The following DCP1B variants were observed in gnomAD, a reference collection of about 807,000 sequenced individuals.
DCP1B encodes the protein decapping mRNA 1B.
DCP1B carries 47 observed loss-of-function variants against 60.5 expected under a neutral mutation model. That is an observed-to-expected ratio of 0.78 (90% confidence interval 0.61 to 0.99). DCP1B has a LOEUF of 0.99. Among genes scored for constraint, DCP1B ranks in the 50% least tolerant of loss-of-function variants. The pLI, the probability that DCP1B is intolerant of heterozygous loss-of-function variation, is 0.00. For missense variants in DCP1B, 725 were observed against 756.8 expected, an observed-to-expected ratio of 0.96 and a Z score of 0.49; for synonymous variants, 267 against 280.3, an observed-to-expected ratio of 0.95 and a Z score of 0.47.
At chr12:1,963,708 T>C (rs1472715890) in intron 5 of DCP1B, among the ~76,000 whole-genome samples, 1 of 152,206 alleles carries the variant, frequency 6.6e-6, no homozygotes, top group Admixed American at 6.5e-5. Flanking sequence ...ATTCCAGACC[T>C]GGAATCAGAA....
At chr12:2,001,632 C>G (rs559897653) in intron 1 of DCP1B, among the ~76,000 whole-genome samples, 1 of 152,186 alleles carries the variant, frequency 6.6e-6, no homozygotes, top group African/African-American at 2.4e-5. Flanking sequence ...GCATGTAGCA[C>G]GTGAGTCACC....
In DCP1B at chr12:1,986,109, A is replaced by G. The variant is rs547211922; in HGVS notation, c.319+7155T>C. Among the ~76,000 whole-genome samples the G allele has an allele frequency of 6.0e-4, 91 of 152,340 alleles. 1 individual carries two copies. The highest frequency in any genetic ancestry group is 3.4e-3 in the Middle Eastern group (1 of 294). ...ATTACAGGCGTGAGCCACTGCGCCCAGCCGTCAGTTCTATTTTCAAAGGTG... is the reference window on the plus strand; with the variant it reads ...ATTACAGGCGTGAGCCACTGCGCCCGGCCGTCAGTTCTATTTTCAAAGGTG... On this transcript the variant is annotated intron_variant, in intron 3 of 8. Coordinates refer to ENST00000280665, the MANE Select transcript of DCP1B (RefSeq NM_152640.5).
intron 5 of DCP1B, among the ~76,000 whole-genome samples, chr12:1,959,430 C>T (rs550939407): frequency 1.3e-5 from 2 of 152,226 alleles, no homozygotes; most frequent in Admixed American, 1.3e-4. Flanking sequence ...AGACAAAGGG[C>T]CTGAGTGGAC....
intron 8 of DCP1B, among the ~76,000 whole-genome samples, chr12:1,946,971 A>T (rs542371630): frequency 6.6e-6 from 1 of 152,320 alleles, no homozygotes; most frequent in South Asian, 2.1e-4. Flanking sequence ...GTTGGATTAC[A>T]GGCATGAGCC....
At chr12:1,954,340 A>G (rs2030801372) in intron 6 of DCP1B, among the ~76,000 whole-genome samples, 2 of 152,190 alleles carry the variant, frequency 1.3e-5, no homozygotes, top group African/African-American at 4.8e-5. Context: ...TAAAAATTCA[A>G]TATAAGATTT....
chr12:1,984,052 T>G (rs2036931779), intron 3 of DCP1B, among the ~76,000 whole-genome samples: 1 of 152,044 alleles, frequency 6.6e-6, no homozygotes. Flanking sequence ...GACACCCCAG[T>G]TTTCTTTTCA....
Position 1,955,297 on chromosome 12 carries a change from C to T in DCP1B, c.651+135G>A, listed in dbSNP as rs1170245927. ...TATTAATAATGAAAAAATCTGTATT[C>T]TGAAATCCCGCTTTCTTGGGTTTAC... is the stretch of plus-strand genomic sequence containing the variant. On this transcript the variant is annotated intron_variant, in intron 6 of 8. Coordinates refer to ENST00000280665, the MANE Select transcript of DCP1B (RefSeq NM_152640.5). The T allele has an allele frequency of 3.6e-6, 4 of 1,118,674 alleles. No homozygotes were observed. In the African/African-American group the frequency reaches 6.4e-5, roughly 18 times the overall value. The allele number at this position is 1,118,674 out of a possible 1,614,324, so 69.3% of individuals were successfully genotyped here. A position where few individuals can be genotyped will look rare whatever the true frequency, so the allele number is the denominator to read the frequency against.
In DCP1B at chr12:1,952,954, G is replaced by A. The variant is rs751064436; in HGVS notation, c.986C>T (p.Thr329Ile). The change falls in exon 7 of 9, where the codon ACA (threonine) becomes ATA (isoleucine). Residue 329 changes from threonine (T) to isoleucine (I), a missense_variant. Coordinates refer to ENST00000280665, the MANE Select transcript of DCP1B (RefSeq NM_152640.5). Reference protein sequence around the residue: ...GSTHSAGEFFTGPVQPGSPHN... With the variant: ...GSTHSAGEFFIGPVQPGSPHN... ...AGGAGACCCTGGCTGGACAGGTCCT[G>A]TAAAAAATTCTCCCGCAGAATGGGT... 105 of 1,614,040 alleles carry A rather than the reference G, an allele frequency of 6.5e-5. No homozygotes were observed. The highest frequency in any genetic ancestry group is 8.6e-5 in the Non-Finnish European group (101 of 1,180,016).
In DCP1B at chr12:1,953,139, C is replaced by A; in HGVS notation, c.801G>T (p.Arg267Ser). ...QQQQQEKLPI[R>S]QGVVRSLSYE... ...AGGACAGGGAGCGTACAACCCCCTG[C>A]CTAATTGGAAGCTTCTCTTGCTGCT... The change falls in exon 7 of 9, where the codon AGG becomes AGT. Residue 267 changes from arginine to serine, a missense_variant. Transcript: ENST00000280665. 1.2e-6 allele frequency: 2 copies of A among 1,611,062 alleles called. No individual in the cohort carries two copies. The highest frequency in any genetic ancestry group is 8.5e-7 in the Non-Finnish European group (1 of 1,179,546).
At chr12:1,958,477 T>C (rs1225981378) in intron 5 of DCP1B, among the ~76,000 whole-genome samples, 9 of 131,818 alleles carry the variant, frequency 6.8e-5, no homozygotes, top group African/African-American at 8.7e-5. Context: ...GCAATGGCTT[T>C]TTCTATAAAC....
Position 1,946,106 on chromosome 12 carries a change from A to ATTT in DCP1B, c.*99_*100insAAA, listed in dbSNP as rs2030410176. 1.0e-6 allele frequency: 1 copy of ATTT among 954,976 alleles called. No homozygotes were observed. The highest frequency in any genetic ancestry group is 1.7e-5 in the African/African-American group (1 of 59,308). 59.2% of individuals were successfully genotyped at this position (954,976 alleles called of 1,614,324 possible). ...TCATATTACACATACTTTTTTTTTA[A>ATTT]AAAAGGCAGAAACATTGAAGGAAAC... On this transcript the variant is annotated 3_prime_UTR_variant, in exon 9 of 9. Transcript: ENST00000280665.
At chr12:1,996,527 G>A (rs2040826847) in intron 2 of DCP1B, among the ~76,000 whole-genome samples, 1 of 146,186 alleles carries the variant, frequency 6.8e-6, no homozygotes, top group African/African-American at 2.5e-5. Flanking sequence ...AAGCAGGGGT[G>A]TCCAATCTTT....
chr12:1,958,863 A>G (rs556873920), intron 5 of DCP1B, among the ~76,000 whole-genome samples: 3 of 58,714 alleles, frequency 5.1e-5, no homozygotes, highest in Admixed American at 1.6e-4. Flanking sequence ...TTGGGCAATG[A>G]CTTTTTCTAT....
At chr12:1,975,195 C>T (rs1335670591) in intron 3 of DCP1B, among the ~76,000 whole-genome samples, 1 of 152,090 alleles carries the variant, frequency 6.6e-6, no homozygotes, top group East Asian at 1.9e-4. Context: ...CCAAAAGACT[C>T]TTTCCAAAAA....
At chr12:1,992,119 G>A (rs1402288805) in intron 3 of DCP1B, 5 of 288,822 alleles carry the variant, frequency 1.7e-5, no homozygotes, top group Non-Finnish European at 2.2e-5. Context: ...AATTGATAAA[G>A]TGTACCTTTC....
chr12:2,003,147 C>T (rs2042577858), intron 1 of DCP1B, among the ~76,000 whole-genome samples: 1 of 152,084 alleles, frequency 6.6e-6, no homozygotes, highest in Non-Finnish European at 1.5e-5. Flanking sequence ...CCCATTCTTG[C>T]TTGTCTTTTT....
chr12:2,004,058 A>T, intron 1 of DCP1B: 1 of 623,670 alleles, frequency 1.6e-6, no homozygotes, highest in East Asian at 2.9e-5. Context: ...GGTACGTTAG[A>T]GATTTAAGTC....
At chr12:1,990,419 T>C (rs928313872) in intron 3 of DCP1B, among the ~76,000 whole-genome samples, 2 of 152,222 alleles carry the variant, frequency 1.3e-5, no homozygotes, top group Non-Finnish European at 2.9e-5. Context: ...GTAATCTATT[T>C]TGTGTTTGAA....
At chr12:1,942,871 A>T (rs2030314285), downstream of DCP1B, among the ~76,000 whole-genome samples, 1 of 152,234 alleles carries the variant, frequency 6.6e-6, no homozygotes. Context: ...ACACCCTAAC[A>T]TCACAATTAA....
Sources: gnomAD v4.1 joint callset for allele counts (sites outside exome capture counted in the v4.1 genomes callset) on GRCh38, gnomAD v4.1.1 for gene constraint, MANE v1.5 for transcripts, NCBI Gene and HGNC (gene_info 2026-07-23, HGNC 2026-07-21) for gene names.